The following WDFY4 variants were observed in gnomAD, a reference collection of about 807,000 sequenced individuals.
The protein encoded by WDFY4 is WD repeat- and FYVE domain-containing protein 4.
Under a neutral mutation model 351.9 loss-of-function variants are expected in WDFY4, and 169 were observed. The ratio of observed to expected loss-of-function variants is 0.48; its 90% CI spans 0.42 to 0.55. WDFY4 has a LOEUF of 0.55. WDFY4 is among the 20% of genes least tolerant of loss of function. The probability of loss-of-function intolerance (pLI) is 0.00; values close to 1 mark genes in which losing one functional copy is unlikely to be tolerated. For missense variants in WDFY4, 3,803 were observed against 3,935.6 expected, an observed-to-expected ratio of 0.97 and a Z score of 0.90; for synonymous variants, 1,622 against 1,574.6, an observed-to-expected ratio of 1.03 and a Z score of -0.71.
At chr10:48,937,878 G>C (rs1177473398) in intron 47 of WDFY4, among the ~76,000 whole-genome samples, 1 of 152,156 alleles carries the variant, frequency 6.6e-6, no homozygotes, top group Admixed American at 6.5e-5. Context: ...GAGAGAGGGA[G>C]TGTGTTTGGC....
intron 47 of WDFY4, among the ~76,000 whole-genome samples, chr10:48,939,649 G>A (rs1181162987): frequency 1.3e-5 from 2 of 152,218 alleles, no homozygotes; most frequent in African/African-American, 2.4e-5. Context: ...CTAATCACCA[G>A]TTACCAACAA....
chr10:48,803,810 T>A (rs1190146077), intron 25 of WDFY4, among the ~76,000 whole-genome samples: 22 of 152,178 alleles, frequency 1.4e-4, no homozygotes, highest in Admixed American at 1.4e-3. Flanking sequence ...CTTCGTTGGC[T>A]CTTACAATTG....
At chr10:48,815,538 A>G (rs2067590453) in intron 31 of WDFY4, among the ~76,000 whole-genome samples, 2 of 151,954 alleles carry the variant, frequency 1.3e-5, no homozygotes, top group African/African-American at 2.4e-5. Flanking sequence ...AGCTCACTCT[A>G]GCCTCTGCTT....
chr10:48,975,008 A>G lies in WDFY4; in HGVS notation c.9075A>G (p.Glu3025=). 6.4e-7 allele frequency: 1 copy of G among 1,551,686 alleles called. No individual in the cohort carries two copies. Among genetic ancestry groups the G allele is most frequent in the Non-Finnish European group, 8.7e-7 (1 of 1,146,988 alleles). Reference sequence around the variant, plus strand: ...TGACCCGCCTGCCCGCCCATCGGGAAGGCATCTCAGCCATCACCATCAGTG... The same window carrying G: ...TGACCCGCCTGCCCGCCCATCGGGAGGGCATCTCAGCCATCACCATCAGTG... ...THVTRLPAHR[E]GISAITISDV... is the part of the protein sequence containing the mutation. The change falls in exon 58 of 62, where the codon GAA becomes GAG. Residue 3025 remains glutamate (E), a synonymous_variant. Coordinates refer to ENST00000325239, the MANE Select transcript of WDFY4 (RefSeq NM_001394531.1).
At chr10:48,694,286 C>A (rs142453340) in intron 1 of WDFY4, among the ~76,000 whole-genome samples, 88 of 152,262 alleles carry the variant, frequency 5.8e-4, no homozygotes, top group African/African-American at 2.0e-3. Flanking sequence ...GCTTTCTGCC[C>A]TGTTCCTGCT....
At position 48,937,406 on chromosome 10, in the gene WDFY4, T is replaced by C. The variant is rs528835367; in HGVS notation, c.7587-4400T>C. Among the ~76,000 whole-genome samples the C allele has an allele frequency of 2.0e-4, 31 of 152,344 alleles. No homozygotes were observed. The South Asian group carries it at 6.4e-3, about 32-fold the overall frequency. ...TCAGTGTTAGGGTCCTGGAGCAAGA[T>C]CTGGTCCTGGCAGGTGCTCTGAACA... On this transcript the variant is annotated intron_variant, in intron 47 of 61. Transcript: ENST00000325239.
intron 43 of WDFY4, among the ~76,000 whole-genome samples, chr10:48,884,684 C>A (rs538469513): frequency 6.6e-6 from 1 of 152,180 alleles, no homozygotes; most frequent in Non-Finnish European, 1.5e-5. Context: ...CCAAAATTTC[C>A]GGCTGGTTCA....
chr10:48,722,193 A>G (rs1018891316), intron 4 of WDFY4, among the ~76,000 whole-genome samples: 2 of 152,126 alleles, frequency 1.3e-5, no homozygotes, highest in African/African-American at 4.8e-5. Context: ...ATGACCTGGG[A>G]AGTTAACTGA....
At chr10:48,922,752 C>A (rs565175160) in intron 47 of WDFY4, among the ~76,000 whole-genome samples, 1 of 152,220 alleles carries the variant, frequency 6.6e-6, no homozygotes, top group African/African-American at 2.4e-5. Flanking sequence ...CTTGGATGAA[C>A]CCTAAAGCAT....
chr10:48,840,345 C>T (rs1321668743), intron 39 of WDFY4, among the ~76,000 whole-genome samples: 1 of 151,746 alleles, frequency 6.6e-6, no homozygotes, highest in Admixed American at 6.6e-5. Context: ...CTCCATTATC[C>T]TTTTAGGTTT....
At chr10:48,751,398 G>A (rs1261782059) in intron 12 of WDFY4, among the ~76,000 whole-genome samples, 1 of 152,206 alleles carries the variant, frequency 6.6e-6, no homozygotes, top group African/African-American at 2.4e-5. Flanking sequence ...TTAAGCTATA[G>A]GGATGGATGG....
chr10:48,759,373 G>T (rs2065431556), intron 12 of WDFY4, among the ~76,000 whole-genome samples: 1 of 152,102 alleles, frequency 6.6e-6, no homozygotes, highest in African/African-American at 2.4e-5. Flanking sequence ...TAGAATTGGC[G>T]CTTTTGTTTC....
Position 48,894,547 on chromosome 10 carries a change from T to C in WDFY4, c.7317-2907T>C, listed in dbSNP as rs943939323. On this transcript the variant is annotated intron_variant, in intron 44 of 61. Transcript: ENST00000325239. ...TCATGGTCAGTATAAGGTTTCCTTA[T>C]GAGGATCCAATTAAATAATGAATAG... is the stretch of plus-strand genomic sequence containing the variant. 4.6e-5 allele frequency among the ~76,000 whole-genome samples: 7 copies of C among 152,216 alleles called. No homozygotes were observed. In the East Asian group the frequency reaches 1.3e-3, roughly 29 times the overall value.
chr10:48,869,441 G>C (rs11101538), intron 40 of WDFY4, among the ~76,000 whole-genome samples: 3,922 of 152,258 alleles, frequency 0.026, 181 homozygotes, highest in African/African-American at 0.089. Context: ...CCCAGCATAA[G>C]AAGGCATCAT....
intron 1 of WDFY4, among the ~76,000 whole-genome samples, chr10:48,699,065 C>A (rs1001429015): frequency 1.3e-5 from 2 of 152,202 alleles, no homozygotes; most frequent in African/African-American, 4.8e-5. Flanking sequence ...GCCCCTGCCA[C>A]GTCTCCATTT....
At chr10:48,945,088 G>A (rs898126407) in intron 49 of WDFY4, among the ~76,000 whole-genome samples, 3 of 152,194 alleles carry the variant, frequency 2.0e-5, no homozygotes, top group African/African-American at 7.2e-5. Flanking sequence ...GAAAGAAAGG[G>A]TTATGAGCCA....
rs1182060101 is a variant in WDFY4, at chr10:48,787,893, CCTTCTTCTTCTTCTTCTTCTT to C, written c.3809-565_3809-545del. On this transcript the variant is annotated intron_variant, in intron 20 of 61. Transcript: ENST00000325239. ...TTTCTTCTTTCTTTCTTCTTCTTCT[CCTTCTTCTTCTTCTTCTTCTT>C]CTTCTTCTTCTTCTTCTTCTTCTTC... 6.4e-3 allele frequency among the ~76,000 whole-genome samples: 309 copies of C among 48,104 alleles called. 4 individuals carry two copies. The highest frequency in any genetic ancestry group is 0.028 in the Middle Eastern group (3 of 108). 31.6% of individuals were successfully genotyped at this position (48,104 alleles called of 152,430 possible). A position where few individuals can be genotyped will look rare whatever the true frequency, so the allele number is the denominator to read the frequency against.
chr10:48,728,528 C>T (rs955177331), intron 7 of WDFY4, among the ~76,000 whole-genome samples: 1 of 152,204 alleles, frequency 6.6e-6, no homozygotes, highest in African/African-American at 2.4e-5. Flanking sequence ...TCTACTACCG[C>T]ACTTCACACA....
chr10:48,828,781 C>A lies in WDFY4; in HGVS notation c.6225C>A (p.Tyr2075Ter). 6.5e-7 allele frequency: 1 copy of A among 1,537,630 alleles called. No individual in the cohort carries two copies. Among genetic ancestry groups the A allele is most frequent in the Non-Finnish European group, 8.8e-7 (1 of 1,138,168 alleles). The stretch of plus-strand genomic sequence containing the variant: ...TGAAAAATCTCTTATCCACTAGTTA[C>A]CCAGAAGGATTTGGATTGGAGCCCA... ...HCLLLLNERS[Y>*]PEGFGLEPKP... The change falls in exon 37 of 62, where the codon TAC (tyrosine) becomes TAA (stop). Residue 2075 changes from tyrosine (Y) to a stop codon, truncating the protein, a stop_gained. Transcript: ENST00000325239. LOFTEE classifies it high-confidence loss of function.
Sources: gnomAD v4.1 joint callset for allele counts (sites outside exome capture counted in the v4.1 genomes callset) on GRCh38, gnomAD v4.1.1 for gene constraint, MANE v1.5 for transcripts, NCBI Gene and HGNC (gene_info 2026-07-23, HGNC 2026-07-21) for gene names.